The following PON3 variants were observed in gnomAD, a reference collection of about 807,000 sequenced individuals.
The protein encoded by PON3 is paraoxonase 3.
Under a neutral mutation model 36.3 loss-of-function variants are expected in PON3, and 37 were observed. That is an observed-to-expected ratio of 1.02 (90% CI 0.78 to 1.34). The LOEUF (loss-of-function observed/expected upper bound fraction) is 1.34. Ranked by LOEUF, PON3 falls within the 40% of genes most tolerant of loss-of-function variation. The pLI is 0.00. For synonymous variants in PON3, 155 were observed against 154.8 expected, an observed-to-expected ratio of 1.00 and a Z score of -0.01; for missense variants, 415 against 426.5, an observed-to-expected ratio of 0.97 and a Z score of 0.24.
At chr7:95,383,765 A>G (rs1413843980) in intron 3 of PON3, among the ~76,000 whole-genome samples, 1 of 152,234 alleles carries the variant, frequency 6.6e-6, no homozygotes, top group African/African-American at 2.4e-5. Flanking sequence ...TATCGTGAAA[A>G]TGGCCATACT....
At chr7:95,391,454 G>C (rs1349605894) in intron 2 of PON3, among the ~76,000 whole-genome samples, 1 of 152,168 alleles carries the variant, frequency 6.6e-6, no homozygotes, top group Non-Finnish European at 1.5e-5. Context: ...ACCCTCAAAA[G>C]CCTTGGATAA....
At chr7:95,390,964 A>G (rs1424509723) in intron 2 of PON3, among the ~76,000 whole-genome samples, 1 of 152,118 alleles carries the variant, frequency 6.6e-6, no homozygotes, top group East Asian at 1.9e-4. Flanking sequence ...TTTCCCACAC[A>G]CTTATTAGCC....
intron 3 of PON3, among the ~76,000 whole-genome samples, chr7:95,379,842 T>G (rs1809006284): frequency 6.6e-6 from 1 of 152,140 alleles, no homozygotes; most frequent in Non-Finnish European, 1.5e-5. Flanking sequence ...ATCTGACAGC[T>G]TTGAAGAGAG....
chr7:95,370,778 CTT>C (rs904513965), intron 4 of PON3, among the ~76,000 whole-genome samples: 2 of 151,900 alleles, frequency 1.3e-5, no homozygotes, highest in Admixed American at 1.3e-4. Context: ...ATATTGATAA[CTT>C]ATGTTTTTAT....
intron 4 of PON3, among the ~76,000 whole-genome samples, chr7:95,368,932 A>G (rs17885715): frequency 0.057 from 8,677 of 152,252 alleles, 825 homozygotes; most frequent in African/African-American, 0.2. Flanking sequence ...ACCATCTCCA[A>G]TGCAGAATCT....
In PON3 at chr7:95,363,928, C is replaced by T; in HGVS notation, c.630G>A (p.Arg210=). The change falls in exon 6 of 9, where the codon AGG becomes AGA. Residue 210 remains arginine, a synonymous_variant. Coordinates refer to ENST00000265627, the MANE Select transcript of PON3 (RefSeq NM_000940.3). ...ATCCTTTGGCCACCACTTTAACCTC[C>T]CTTGGGCTGTAGAAAAGAACATAAG... ...RWTYVLFYSP[R]EVKVVAKGFC... 2 of 1,613,814 alleles carry T rather than the reference C, an allele frequency of 1.2e-6. No homozygotes were observed. The highest frequency in any genetic ancestry group is 1.7e-6 in the Non-Finnish European group (2 of 1,179,788).
chr7:95,378,007 T>C (rs891797513), intron 3 of PON3, among the ~76,000 whole-genome samples: 4 of 152,032 alleles, frequency 2.6e-5, no homozygotes, highest in African/African-American at 9.7e-5. Context: ...GCTAAAAACC[T>C]TGAAAAAAGT....
intron 5 of PON3, chr7:95,365,458 G>T (rs1423872047): frequency 2.0e-5 from 3 of 152,282 alleles, no homozygotes; most frequent in African/African-American, 7.2e-5. Context: ...AATAGGAGAT[G>T]GGGCTGGTGG....
At chr7:95,376,988 C>T (rs536628905) in intron 3 of PON3, among the ~76,000 whole-genome samples, 1 of 152,360 alleles carries the variant, frequency 6.6e-6, no homozygotes, top group South Asian at 2.1e-4. Context: ...ATTTCCCTTT[C>T]CTAGCCAAGG....
At chr7:95,361,822 T>G (rs1298027460) in intron 8 of PON3, among the ~76,000 whole-genome samples, 2 of 152,190 alleles carry the variant, frequency 1.3e-5, no homozygotes, top group East Asian at 3.8e-4. Context: ...AATGTTGTTT[T>G]TAATGTAGAA....
Position 95,363,977 on chromosome 7 carries a change from T to C in PON3, c.581A>G (p.Glu194Gly), listed in dbSNP as rs1421820412. 1.2e-6 allele frequency: 2 copies of C among 1,613,768 alleles called. No individual in the cohort carries two copies. The highest frequency in any genetic ancestry group is 1.3e-5 in the African/African-American group (1 of 74,988). ...AGTCCAGCGAAGATCCAAGATCATC[T>C]CAAAAAATGACAGGAGGGAGTTGGT... ...YFTNSLLSFF[E>G]MILDLRWTYV... The change falls in exon 6 of 9, where the codon GAG becomes GGG. Residue 194 changes from glutamate to glycine, a missense_variant. Physicochemically the swap from Glu to Gly is moderately conservative, Grantham distance 98. Transcript: ENST00000265627.
intron 3 of PON3, among the ~76,000 whole-genome samples, chr7:95,384,384 T>G (rs56128250): frequency 6.6e-6 from 1 of 151,558 alleles, no homozygotes; most frequent in Admixed American, 6.6e-5. Flanking sequence ...AGCTTCTGCA[T>G]AGCAAAAGAA....
At chr7:95,385,765 C>T (rs1371052028) in intron 3 of PON3, among the ~76,000 whole-genome samples, 1 of 152,184 alleles carries the variant, frequency 6.6e-6, no homozygotes, top group Non-Finnish European at 1.5e-5. Context: ...AAGAAACTCA[C>T]TCAAAACTAC....
At chr7:95,366,157 G>T (rs1475054799) in intron 5 of PON3, among the ~76,000 whole-genome samples, 2 of 152,132 alleles carry the variant, frequency 1.3e-5, no homozygotes, top group Non-Finnish European at 2.9e-5. Flanking sequence ...CCAAATATCA[G>T]GTGTGCCCTC....
At chr7:95,384,824 AC>A (rs1809150533) in intron 3 of PON3, among the ~76,000 whole-genome samples, 1 of 152,142 alleles carries the variant, frequency 6.6e-6, no homozygotes, top group Admixed American at 6.6e-5. Flanking sequence ...AACTAGAAAT[AC>A]CATTTGACCC....
At position 95,367,905 on chromosome 7, in the gene PON3, T is replaced by C. The variant is rs564119197; in HGVS notation, c.368-417A>G. On this transcript the variant is annotated intron_variant, in intron 4 of 8. Coordinates refer to ENST00000265627, the MANE Select transcript of PON3 (RefSeq NM_000940.3). ...TGTGTGTGTACAATAATTATCTACA[T>C]TGCAACAGAAGCTCAGTGAATGTCA... Among the ~76,000 whole-genome samples the C allele has an allele frequency of 2.0e-5, 3 of 152,294 alleles. No individual in the cohort carries two copies. The East Asian group carries it at 5.8e-4, about 29-fold the overall frequency.
chr7:95,366,027 A>AG (rs1562769881), intron 5 of PON3: 1 of 75,598 alleles, frequency 1.3e-5, no homozygotes, highest in African/African-American at 7.3e-5. Flanking sequence ...ATTTTTTGGC[A>AG]GGGGGAGTGG....
intron 3 of PON3, among the ~76,000 whole-genome samples, chr7:95,375,395 A>G (rs1808895401): frequency 6.6e-6 from 1 of 150,746 alleles, no homozygotes; most frequent in Non-Finnish European, 1.5e-5. Context: ...TTATATACAT[A>G]TAAATATATT....
chr7:95,374,319 T>C (rs1035514155), intron 3 of PON3, among the ~76,000 whole-genome samples: 1 of 152,170 alleles, frequency 6.6e-6, no homozygotes, highest in Admixed American at 6.5e-5. Context: ...ATTCTCTTTC[T>C]TTCTCCCTCT....
Sources: gnomAD v4.1 joint callset for allele counts (sites outside exome capture counted in the v4.1 genomes callset) on GRCh38, gnomAD v4.1.1 for gene constraint, MANE v1.5 for transcripts, NCBI Gene and HGNC (gene_info 2026-07-23, HGNC 2026-07-21) for gene names.